The following HIVEP3 variants were observed in gnomAD, a reference collection of about 807,000 sequenced individuals.
HIVEP3 encodes HIVEP zinc finger 3.
Under a neutral mutation model 152.8 loss-of-function variants are expected in HIVEP3, and 49 were observed. The ratio of observed to expected loss-of-function variants is 0.32; its 90% CI spans 0.26 to 0.41. HIVEP3 has a LOEUF of 0.41. Among genes scored for constraint, HIVEP3 ranks in the 10% least tolerant of loss-of-function variants. The pLI, the probability that HIVEP3 is intolerant of heterozygous loss-of-function variation, is 1.00. For missense variants in HIVEP3, 2,790 were observed against 3,103.3 expected (o/e 0.90, Z 2.40); for synonymous variants, 1,269 against 1,289.0 (o/e 0.98, Z 0.33).
chr1:41,787,224 A>G (rs1209615579), intron 1 of HIVEP3, among the ~76,000 whole-genome samples: 2 of 152,222 alleles, frequency 1.3e-5, no homozygotes, highest in Non-Finnish European at 2.9e-5. Context: ...TGCATGCACT[A>G]CGCCGCAACA....
intron 1 of HIVEP3, among the ~76,000 whole-genome samples, chr1:41,881,320 G>A (rs1162850963): frequency 6.6e-6 from 1 of 152,194 alleles, no homozygotes; most frequent in East Asian, 1.9e-4. Context: ...CTTTGAAGAT[G>A]AGGAGGAGTT....
chr1:41,979,641 C>T (rs532817362), intron 1 of HIVEP3, among the ~76,000 whole-genome samples: 2 of 152,188 alleles, frequency 1.3e-5, no homozygotes, highest in African/African-American at 2.4e-5. Context: ...ATCAGCTCAC[C>T]TGAGCCTTTT....
intron 1 of HIVEP3, among the ~76,000 whole-genome samples, chr1:41,904,020 C>T (rs1487820897): frequency 6.6e-6 from 1 of 151,922 alleles, no homozygotes; most frequent in African/African-American, 2.4e-5. Flanking sequence ...CCTCAGCCTC[C>T]TGAGTAGCTG....
chr1:41,905,278 A>G (rs1334941919), intron 1 of HIVEP3, among the ~76,000 whole-genome samples: 3 of 152,182 alleles, frequency 2.0e-5, no homozygotes, highest in Non-Finnish European at 2.9e-5. Flanking sequence ...GGCAGCCAGC[A>G]TCTGAGCTGG....
intron 5 of HIVEP3, among the ~76,000 whole-genome samples, chr1:41,560,753 T>C (rs1053757232): frequency 2.0e-5 from 3 of 152,128 alleles, no homozygotes; most frequent in Non-Finnish European, 2.9e-5. Context: ...AGAGGTGCTT[T>C]CTCTCTCATC....
chr1:41,906,038 G>C (rs745908638), intron 1 of HIVEP3, among the ~76,000 whole-genome samples: 1 of 152,186 alleles, frequency 6.6e-6, no homozygotes, highest in Non-Finnish European at 1.5e-5. Context: ...GGCCAGGCGC[G>C]GTGGCTCACG....
At chr1:41,744,985 A>C (rs1647050823) in intron 1 of HIVEP3, among the ~76,000 whole-genome samples, 1 of 152,136 alleles carries the variant, frequency 6.6e-6, no homozygotes, top group Non-Finnish European at 1.5e-5. Context: ...CGTGGATCTC[A>C]GAAGAGCTTG....
At chr1:41,541,614 C>A (rs1373091151) in intron 5 of HIVEP3, among the ~76,000 whole-genome samples, 1 of 152,182 alleles carries the variant, frequency 6.6e-6, no homozygotes, top group Non-Finnish European at 1.5e-5. Flanking sequence ...AGAAGCTTCC[C>A]CTGACCCTGA....
chr1:41,709,079 A>C (rs1646475940), intron 1 of HIVEP3, among the ~76,000 whole-genome samples: 1 of 152,068 alleles, frequency 6.6e-6, no homozygotes, highest in South Asian at 2.1e-4. Context: ...ACCCCCTACC[A>C]CCACATGGCA....
chr1:41,575,332 T>A (rs1267030006), intron 5 of HIVEP3, among the ~76,000 whole-genome samples: 1 of 152,008 alleles, frequency 6.6e-6, no homozygotes, highest in African/African-American at 2.4e-5. Context: ...ATACCCAGCA[T>A]CACCCATCCC....
chr1:41,712,542 A>G (rs1250157863), intron 1 of HIVEP3, among the ~76,000 whole-genome samples: 1 of 152,244 alleles, frequency 6.6e-6, no homozygotes, highest in Non-Finnish European at 1.5e-5. Flanking sequence ...GTTTAGGCAG[A>G]TGGTCAGGGC....
intron 1 of HIVEP3, among the ~76,000 whole-genome samples, chr1:41,788,494 G>C (rs1649500144): frequency 6.6e-6 from 1 of 152,232 alleles, no homozygotes; most frequent in Non-Finnish European, 1.5e-5. Context: ...GCAGGAGAGA[G>C]AGCTCAGGCT....
At chr1:41,618,958 A>G (rs962990577) in intron 3 of HIVEP3, among the ~76,000 whole-genome samples, 2 of 152,144 alleles carry the variant, frequency 1.3e-5, no homozygotes, top group East Asian at 1.9e-4. Flanking sequence ...GTGTGACTCT[A>G]TCACCTCCTG....
At chr1:41,717,937 T>C (rs1646618802) in intron 1 of HIVEP3, among the ~76,000 whole-genome samples, 1 of 152,118 alleles carries the variant, frequency 6.6e-6, no homozygotes, top group African/African-American at 2.4e-5. Flanking sequence ...AGGGCACCCA[T>C]GGATGGAAGC....
intron 1 of HIVEP3, among the ~76,000 whole-genome samples, chr1:41,843,686 T>C (rs934579380): frequency 6.6e-6 from 1 of 152,190 alleles, no homozygotes; most frequent in African/African-American, 2.4e-5. Flanking sequence ...CTTCTATTCA[T>C]GTTTAACATT....
In HIVEP3 at chr1:41,810,627, T is replaced by A. The variant is rs1452828819; in HGVS notation, c.-801+107786A>T. On this transcript the variant is annotated intron_variant, in intron 1 of 8. Coordinates refer to ENST00000372583, the MANE Select transcript of HIVEP3 (RefSeq NM_024503.5). The stretch of plus-strand genomic sequence containing the variant: ...GCCTCATGCTGAACTAGTGCATGCC[T>A]CAGCCCTTTGGAACCCCTTGGAGCT... Among the ~76,000 whole-genome samples the A allele has an allele frequency of 2.0e-5, 3 of 152,220 alleles. No individual in the cohort carries two copies. The East Asian group carries it at 5.8e-4, about 29-fold the overall frequency.
intron 5 of HIVEP3, among the ~76,000 whole-genome samples, chr1:41,569,255 A>C (rs1251120882): frequency 6.6e-6 from 1 of 152,164 alleles, no homozygotes; most frequent in Non-Finnish European, 1.5e-5. Context: ...TGACCACTTA[A>C]AAGACTTTAA....
At chr1:41,761,361 T>G (rs1647668402) in intron 1 of HIVEP3, among the ~76,000 whole-genome samples, 1 of 152,202 alleles carries the variant, frequency 6.6e-6, no homozygotes, top group South Asian at 2.1e-4. Flanking sequence ...TATGAGTGTG[T>G]ATGCATGTGT....
Position 41,882,224 on chromosome 1 carries a change from C to T in HIVEP3, c.-801+36189G>A, listed in dbSNP as rs536739346. ...TGATCAGCCAGAGAAACCAAATAAA[C>T]GTTCCACTGGGCAAACCTGTTTCTC... On this transcript the variant is annotated intron_variant, in intron 1 of 8. Transcript: ENST00000372583. 4.6e-5 allele frequency among the ~76,000 whole-genome samples: 7 copies of T among 152,264 alleles called. No homozygotes were observed. The East Asian group carries it at 1.2e-3, about 25-fold the overall frequency.
Sources: allele counts gnomAD v4.1 joint callset (sites outside exome capture counted in the v4.1 genomes callset), GRCh38; gene constraint gnomAD v4.1.1; transcripts MANE v1.5; gene names NCBI Gene and HGNC (gene_info 2026-07-23, HGNC 2026-07-21).